The following CHERP variants were observed in gnomAD, a reference collection of about 807,000 sequenced individuals.
CHERP encodes the protein calcium homeostasis endoplasmic reticulum protein, also known as ERPROT 213-21.
A neutral mutation model predicts 113.8 loss-of-function variants in CHERP; 8 were observed. The observed-to-expected ratio is 0.07, with a 90% confidence interval of 0.04 to 0.13. CHERP has a LOEUF of 0.13. Among genes scored for constraint, CHERP ranks in the 10% least tolerant of loss-of-function variants. CHERP has a pLI of 1.00. For missense variants in CHERP, 884 were observed against 1,298.2 expected (o/e 0.68, Z 4.90); for synonymous variants, 559 against 524.5 (o/e 1.07, Z -0.90).
In CHERP at chr19:16,521,640, C is replaced by CCTG; in HGVS notation, c.1994_1995insCAG (p.Glu665delinsAspArg). The CCTG allele has an allele frequency of 6.3e-7, 1 of 1,590,680 alleles. No individual in the cohort carries two copies. Among genetic ancestry groups the CCTG allele is most frequent in the Non-Finnish European group, 8.6e-7 (1 of 1,166,468 alleles). On this transcript the variant is annotated protein_altering_variant, in exon 12 of 17. Transcript: ENST00000546361. ...TGTCTTTAGGGTCCAAAGGCTTGTA[C>CCTG]TCGTGATCTTCCAGCTGCAGCAGAG...
In CHERP at chr19:16,525,993, C is replaced by CA. The variant is rs1268178844; in HGVS notation, c.1306-317dup. On this transcript the variant is annotated intron_variant, in intron 9 of 16. Transcript: ENST00000546361. This position sits in a 1 kb window ranked among gnomAD's most constrained non-coding sequence, Gnocchi z 6.5. ...ACAAGGTGCTCCCCGCTACCACTGC[C>CA]AGACAAACGCCAGCTCCCTCGCCCC... Among the ~76,000 whole-genome samples the CA allele has an allele frequency of 2.0e-5, 3 of 152,364 alleles. No homozygotes were observed. Among genetic ancestry groups the CA allele is most frequent in the Non-Finnish European group, 2.9e-5 (2 of 68,026 alleles).
At position 16,525,465 on chromosome 19, in the gene CHERP, G is replaced by A. The variant is rs1454182251; in HGVS notation, c.1518C>T (p.Gly506=). Residue 506 remains glycine (G), a synonymous_variant, in exon 10 of 17, where the codon GGC becomes GGT. Coordinates refer to ENST00000546361, the MANE Select transcript of CHERP (RefSeq NM_006387.6). The surrounding 1 kb of genome is among the most constrained non-coding windows in gnomAD (Gnocchi z 6.5). ...GGAAGGGTGGCTCGCGCTGGCCCCC[G>A]CCCCAGGGCGGCTGCTCGTGCTGGC... ...WNSQHEQPPW[G]GGQREPPFRM... The A allele has an allele frequency of 1.9e-6, 3 of 1,549,636 alleles. No individual in the cohort carries two copies. The highest frequency in any genetic ancestry group is 2.6e-6 in the Non-Finnish European group (3 of 1,147,598).
At position 16,520,464 on chromosome 19, in the gene CHERP, A is replaced by C. The variant is rs1376813566; in HGVS notation, c.2245T>G (p.Ser749Ala). Residue 749 changes from serine (S) to alanine (A), a missense_variant, in exon 14 of 17, where the codon TCT becomes GCT. This residue lies in a region of CHERP where 159 missense variants were observed against 185.8 expected (regional missense o/e 0.86). Coordinates refer to ENST00000546361, the MANE Select transcript of CHERP (RefSeq NM_006387.6). The surrounding 1 kb of genome is among the most constrained non-coding windows in gnomAD (Gnocchi z 4.0). ...SRSRSKSRGRSSSRSNSRSSK... is the reference protein window; with the variant it reads ...SRSRSKSRGRASSRSNSRSSK... ...GATCTTGAGTTGGAGCGGGAGGAAG[A>C]ACGCCCTCGACTCTTGGATCTGCTC... 1 of 1,614,004 alleles carries C rather than the reference A, an allele frequency of 6.2e-7. No individual in the cohort carries two copies. The highest frequency in any genetic ancestry group is 1.7e-5 in the Admixed American group (1 of 60,008).
At position 16,520,287 on chromosome 19, in the gene CHERP, G is replaced by T; in HGVS notation, c.2346-22C>A. ...ACTTCTGCAGGGAAGGGTGCCCAAGGGTCAGCAGCAGCCAGGCGTCGTGGG... is the reference window on the plus strand; with the variant it reads ...ACTTCTGCAGGGAAGGGTGCCCAAGTGTCAGCAGCAGCCAGGCGTCGTGGG... On this transcript the variant is annotated intron_variant, in intron 14 of 16. Coordinates refer to ENST00000546361, the MANE Select transcript of CHERP (RefSeq NM_006387.6). This position sits in a 1 kb window ranked among gnomAD's most constrained non-coding sequence, Gnocchi z 4.0. 1 of 1,613,366 alleles carries T rather than the reference G, an allele frequency of 6.2e-7. No homozygotes were observed. The highest frequency in any genetic ancestry group is 8.5e-7 in the Non-Finnish European group (1 of 1,179,786).
chr19:16,531,728 G>GCAGAA (rs2085706397), intron 5 of CHERP, among the ~76,000 whole-genome samples: 2 of 152,224 alleles, frequency 1.3e-5, no homozygotes, highest in African/African-American at 4.8e-5. Flanking sequence ...GAGCAGAAGG[G>GCAGAA]CAGAGCTGGT....
intron 3 of CHERP, 46 bp from the exon 4 acceptor site, chr19:16,533,194 C>T (rs368362565): frequency 1.7e-5 from 27 of 1,547,192 alleles, no homozygotes; most frequent in African/African-American, 2.7e-5. Flanking sequence ...AGGAGGGACC[C>T]GCAGCCTGAG....
rs765768267 is a variant in CHERP at position 16,542,333 on chromosome 19, C to G, written c.25+21G>C. On this transcript the variant is annotated intron_variant, in intron 1 of 16. Coordinates refer to ENST00000546361, the MANE Select transcript of CHERP (RefSeq NM_006387.6). ...GGTTCCGGGGAGAGAGAAACGGTCT[C>G]TCGGCCGGTTTGGGTCTCACCATCG... 6 of 1,414,758 alleles carry G rather than the reference C, an allele frequency of 4.2e-6. No homozygotes were observed. In the African/African-American group the frequency reaches 9.0e-5, roughly 21 times the overall value. The allele number at this position is 1,414,758 out of a possible 1,614,324, so 87.6% of individuals were successfully genotyped here. A position where few individuals can be genotyped will look rare whatever the true frequency, so the allele number is the denominator to read the frequency against.
chr19:16,531,841 G>A (rs978202453), intron 5 of CHERP: 2 of 152,324 alleles, frequency 1.3e-5, no homozygotes, highest in African/African-American at 4.8e-5. Context: ...GGCGAGATGG[G>A]TGCTGGCAGC....
At chr19:16,524,959 A>G (rs759056520) in intron 10 of CHERP, among the ~76,000 whole-genome samples, 33 of 152,114 alleles carry the variant, frequency 2.2e-4, no homozygotes, top group Non-Finnish European at 4.4e-4. Context: ...CAGTAAAAAG[A>G]ACGAGGCCCC....
chr19:16,520,621 G>C lies in CHERP; in HGVS notation c.2202-114C>G. The C allele has an allele frequency of 7.7e-7, 1 of 1,302,860 alleles. No homozygotes were observed. Among genetic ancestry groups the C allele is most frequent in the Non-Finnish European group, 1.1e-6 (1 of 931,112 alleles). The allele number at this position is 1,302,860 out of a possible 1,614,324, so 80.7% of individuals were successfully genotyped here. A position where few individuals can be genotyped will look rare whatever the true frequency, so the allele number is the denominator to read the frequency against. On this transcript the variant is annotated intron_variant, in intron 13 of 16. Transcript: ENST00000546361. The surrounding 1 kb of genome is among the most constrained non-coding windows in gnomAD (Gnocchi z 4.0). ...TGCAGGGGCTCTGGCTGTGGATGTGGCGCCATAGCCACAGCAACGGTACCA... is the reference window on the plus strand; with the variant it reads ...TGCAGGGGCTCTGGCTGTGGATGTGCCGCCATAGCCACAGCAACGGTACCA...
In CHERP at chr19:16,520,696, G is replaced by A; in HGVS notation, c.2201+130C>T. 8.6e-7 allele frequency: 1 copy of A among 1,168,554 alleles called. No individual in the cohort carries two copies. The highest frequency in any genetic ancestry group is 1.3e-5 in the South Asian group (1 of 78,656). The allele number at this position is 1,168,554 out of a possible 1,614,324, so 72.4% of individuals were successfully genotyped here. ...CTGCTGCTGTGTGAATTCAGGCCTT[G>A]TGGAAAACACCGCCCCATAGGCACA... On this transcript the variant is annotated intron_variant, in intron 13 of 16. Coordinates refer to ENST00000546361, the MANE Select transcript of CHERP (RefSeq NM_006387.6). This position sits in a 1 kb window ranked among gnomAD's most constrained non-coding sequence, Gnocchi z 4.0.
In CHERP at chr19:16,520,659, G is replaced by T; in HGVS notation, c.2202-152C>A. On this transcript the variant is annotated intron_variant, in intron 13 of 16. Transcript: ENST00000546361. This position sits in a 1 kb window ranked among gnomAD's most constrained non-coding sequence, Gnocchi z 4.0. ...AGCAACGGTACCAAGTTCCTAAATAGTGTGGCCGAGCCTGCTGCTGTGTGA... is the reference window on the plus strand; with the variant it reads ...AGCAACGGTACCAAGTTCCTAAATATTGTGGCCGAGCCTGCTGCTGTGTGA... 1 of 1,142,876 alleles carries T rather than the reference G, an allele frequency of 8.7e-7. No individual in the cohort carries two copies. 70.8% of individuals were successfully genotyped at this position (1,142,876 alleles called of 1,614,324 possible). A position where few individuals can be genotyped will look rare whatever the true frequency, so the allele number is the denominator to read the frequency against.
intron 8 of CHERP, 55 bp from the exon 9 acceptor site, chr19:16,528,310 C>T (rs12459056): frequency 2.7e-6 from 4 of 1,496,380 alleles, no homozygotes; most frequent in Non-Finnish European, 3.6e-6. Flanking sequence ...GGCGCTGTCT[C>T]CTCTCCACAC....
Position 16,528,164 on chromosome 19 carries a change from G to T in CHERP, c.1221C>A (p.Gly407=). The part of the protein sequence containing the change: ...VQDPAAAGPR[G]PGPHDQIPPN... ...GTGGGATCTGGTCGTGTGGCCCGGG[G>T]CCCCGGGGGCCGGCAGCTGCAGGAT... Residue 407 remains glycine (G), a synonymous_variant, in exon 9 of 17, where the codon GGC becomes GGA. Transcript: ENST00000546361. The T allele has an allele frequency of 6.2e-7, 1 of 1,613,344 alleles. No homozygotes were observed. The highest frequency in any genetic ancestry group is 8.5e-7 in the Non-Finnish European group (1 of 1,179,790).
intron 11 of CHERP, among the ~76,000 whole-genome samples, chr19:16,522,324 T>C (rs2085624072): frequency 6.6e-6 from 1 of 151,824 alleles, no homozygotes; most frequent in South Asian, 2.1e-4. Flanking sequence ...AGTGGCGTGA[T>C]CTCGGCTCAG....
In CHERP at chr19:16,532,517, G is replaced by T; in HGVS notation, c.674+81C>A. On this transcript the variant is annotated intron_variant, in intron 5 of 16. Transcript: ENST00000546361. The surrounding 1 kb of genome is among the most constrained non-coding windows in gnomAD (Gnocchi z 4.4). ...TCGGGACAGGCCAAGCCAAGCTACC[G>T]ACCGGAGCAAGCGGCCACCCAGGAG... The T allele has an allele frequency of 2.1e-6, 3 of 1,452,462 alleles. No individual in the cohort carries two copies. The South Asian group carries it at 4.1e-5, about 20-fold the overall frequency. 90.0% of individuals were successfully genotyped at this position (1,452,462 alleles called of 1,614,324 possible). A position where few individuals can be genotyped will look rare whatever the true frequency, so the allele number is the denominator to read the frequency against.
Position 16,533,005 on chromosome 19 carries a change from C to A in CHERP, c.522+6G>T. On this transcript the variant is annotated splice_donor_region_variant and intron_variant, in intron 4 of 16. Transcript: ENST00000546361. ...AGCTGGGCTCTGGGAAGTGCTGGCC[C>A]CTCACCGAGATGGCGTCCTTGGTGC... 6.4e-7 allele frequency: 1 copy of A among 1,563,460 alleles called. No homozygotes were observed.
Position 16,535,514 on chromosome 19 carries a change from G to T in CHERP, c.322C>A (p.Leu108Ile). 1 of 1,607,662 alleles carries T rather than the reference G, an allele frequency of 6.2e-7. No individual in the cohort carries two copies. ...AGGTTCCACTGGCTCTGCTGGATGA[G>T]CTCGTCCATGGATGGCGCGCCCTGG... Reference protein sequence around the residue: ...PAQGAPSMDELIQQSQWNLQQ... With the variant: ...PAQGAPSMDEIIQQSQWNLQQ... Residue 108 changes from leucine (L) to isoleucine (I), a missense_variant, in exon 3 of 17, where the codon CTC becomes ATC. Physicochemically the swap from Leu to Ile is conservative, Grantham distance 5 (BLOSUM62 2). Around this residue, in one of 8 missense-constraint regions of CHERP, gnomAD observed 109 missense variants for 134.2 expected, o/e 0.81. Transcript: ENST00000546361. This position sits in a 1 kb window ranked among gnomAD's most constrained non-coding sequence, Gnocchi z 4.3.
chr19:16,529,837 T>A lies in CHERP; in HGVS notation c.940A>T (p.Ile314Phe), dbSNP rs913754416. The A allele has an allele frequency of 6.8e-6, 11 of 1,613,672 alleles. No homozygotes were observed. Among genetic ancestry groups the A allele is most frequent in the Non-Finnish European group, 9.3e-6 (11 of 1,179,986 alleles). The change falls in exon 8 of 17, where the codon ATC becomes TTC. Residue 314 changes from isoleucine (I) to phenylalanine (F), a missense_variant. This residue lies in a region of CHERP where 464 missense variants were observed against 590.1 expected (regional missense o/e 0.79). Transcript: ENST00000546361. ...TCGTGCTGCGTCTTGAGGGTCTGGA[T>A]CTGCTGCTGGAAGGCCAGCTGCACC... ...QPVQLAFQQQ[I>F]QTLKTQHEEF...
Sources: allele counts gnomAD v4.1 joint callset (sites outside exome capture counted in the v4.1 genomes callset), GRCh38; gene constraint gnomAD v4.1.1; regional missense constraint gnomAD v4.1.1; non-coding constraint Gnocchi (gnomAD v3.1); transcripts MANE v1.5; gene names NCBI Gene and HGNC (gene_info 2026-07-23, HGNC 2026-07-21).